ROR1: variants seen among roughly 807,000 people sequenced by gnomAD.
The protein encoded by ROR1 is inactive tyrosine-protein kinase transmembrane receptor ROR1.
ROR1 carries 19 observed loss-of-function variants against 78.8 expected under a neutral mutation model. That is an observed-to-expected ratio of 0.24 (90% confidence interval 0.17 to 0.35). ROR1 has a LOEUF of 0.35. Among genes scored for constraint, ROR1 ranks in the 10% least tolerant of loss-of-function variants. The pLI, the probability that ROR1 is intolerant of heterozygous loss-of-function variation, is 1.00. For synonymous variants in ROR1, 386 were observed against 433.6 expected (o/e 0.89, Z 1.36); for missense variants, 917 against 1,177.8 (o/e 0.78, Z 3.24).
intron 8 of ROR1, among the ~76,000 whole-genome samples, chr1:64,169,649 A>G (rs943629852): frequency 1.3e-5 from 2 of 152,136 alleles, no homozygotes; most frequent in African/African-American, 4.8e-5. Flanking sequence ...AAGTCCCCCA[A>G]AGTCTCAACT....
At chr1:63,809,540 A>G (rs1373619680) in intron 1 of ROR1, among the ~76,000 whole-genome samples, 1 of 152,194 alleles carries the variant, frequency 6.6e-6, no homozygotes, top group East Asian at 1.9e-4. Flanking sequence ...GGAGAGTTTC[A>G]AAGAAGTCTA....
At chr1:64,077,750 T>A (rs1260764) in intron 4 of ROR1, among the ~76,000 whole-genome samples, 2 of 152,132 alleles carry the variant, frequency 1.3e-5, no homozygotes, top group African/African-American at 4.8e-5. Flanking sequence ...AAACCATTTC[T>A]AATTTCATGA....
At chr1:63,902,983 ATC>A (rs2100405594) in intron 1 of ROR1, among the ~76,000 whole-genome samples, 1 of 152,284 alleles carries the variant, frequency 6.6e-6, no homozygotes, top group East Asian at 1.9e-4. Flanking sequence ...CACAAGCTGA[ATC>A]AGCCCTCTTT....
chr1:64,067,482 T>C (rs1372349121), intron 4 of ROR1, among the ~76,000 whole-genome samples: 3 of 146,376 alleles, frequency 2.0e-5, no homozygotes, highest in South Asian at 2.2e-4. Context: ...ATACTTGATC[T>C]GTACTTATAT....
intron 1 of ROR1, among the ~76,000 whole-genome samples, chr1:63,987,756 A>C (rs1045191364): frequency 6.6e-5 from 10 of 152,118 alleles, no homozygotes; most frequent in Admixed American, 3.9e-4. Flanking sequence ...ACATTCCTCT[A>C]TTTTTATATA....
At chr1:63,863,758 ATTGT>A (rs1645197098) in intron 1 of ROR1, among the ~76,000 whole-genome samples, 3 of 148,820 alleles carry the variant, frequency 2.0e-5, no homozygotes, top group African/African-American at 7.6e-5. Context: ...ATTGTATTGT[ATTGT>A]ATTGTATTGT....
At chr1:63,915,668 A>T (rs1557559294) in intron 1 of ROR1, among the ~76,000 whole-genome samples, 1 of 152,198 alleles carries the variant, frequency 6.6e-6, no homozygotes, top group East Asian at 1.9e-4. Flanking sequence ...GCATTTAGGG[A>T]TAGCTATGCT....
chr1:63,798,808 G>A (rs1644778183), intron 1 of ROR1, among the ~76,000 whole-genome samples: 1 of 151,800 alleles, frequency 6.6e-6, no homozygotes, highest in Non-Finnish European at 1.5e-5. Context: ...CTTTACAGAT[G>A]AGGCAACTGA....
chr1:64,130,254 G>A (rs1648865973), intron 4 of ROR1, among the ~76,000 whole-genome samples: 2 of 152,176 alleles, frequency 1.3e-5, no homozygotes, highest in South Asian at 2.1e-4. Context: ...TCTGTGAGTC[G>A]TTGGCCCTCT....
chr1:63,876,665 TGTGTGTGTGTGTGTGTGC>T lies in ROR1; in HGVS notation c.91+102159_91+102176del, dbSNP rs1378991695. 2.0e-3 allele frequency among the ~76,000 whole-genome samples: 262 copies of T among 128,748 alleles called. 2 individuals carry two copies. In the Middle Eastern group the frequency reaches 0.023, roughly 11 times the overall value. The allele number at this position is 128,748 out of a possible 152,430, so 84.5% of individuals were successfully genotyped here. ...AAAGGGGTGTGTGTGTGTGTGTGTG[TGTGTGTGTGTGTGTGTGC>T]GCGTGTGTGTGTGAGAACATGTGTT... On this transcript the variant is annotated intron_variant, in intron 1 of 8. Coordinates refer to ENST00000371079, the MANE Select transcript of ROR1 (RefSeq NM_005012.4).
chr1:64,000,540 C>T (rs186780179), intron 1 of ROR1, among the ~76,000 whole-genome samples: 47 of 152,326 alleles, frequency 3.1e-4, no homozygotes, highest in African/African-American at 1.1e-3. Flanking sequence ...GGACTTTCCA[C>T]TGTCCCTAAG....
intron 1 of ROR1, among the ~76,000 whole-genome samples, chr1:63,919,874 A>G (rs1347848847): frequency 6.6e-6 from 1 of 152,232 alleles, no homozygotes; most frequent in Non-Finnish European, 1.5e-5. Context: ...ATGATCTGAT[A>G]GTAATAGGAA....
At chr1:63,919,488 C>CTTTTTTTTTT (rs10644304) in intron 1 of ROR1, among the ~76,000 whole-genome samples, 2 of 122,192 alleles carry the variant, frequency 1.6e-5, no homozygotes, top group Non-Finnish European at 3.5e-5. Flanking sequence ...ATTGAATTGG[C>CTTTTTTTTTT]TTTTTTTTTT....
At chr1:63,963,887 A>C (rs1434886707) in intron 1 of ROR1, among the ~76,000 whole-genome samples, 1 of 152,182 alleles carries the variant, frequency 6.6e-6, no homozygotes, top group African/African-American at 2.4e-5. Flanking sequence ...CGTCTTTCTA[A>C]GGATGGCAGA....
At chr1:64,158,656 G>T (rs1649844506) in intron 7 of ROR1, among the ~76,000 whole-genome samples, 1 of 152,184 alleles carries the variant, frequency 6.6e-6, no homozygotes, top group African/African-American at 2.4e-5. Flanking sequence ...CATTCACGTG[G>T]CGTTTAACTT....
At chr1:63,986,912 G>T (rs1478765833) in intron 1 of ROR1, among the ~76,000 whole-genome samples, 1 of 151,844 alleles carries the variant, frequency 6.6e-6, no homozygotes, top group Non-Finnish European at 1.5e-5. Flanking sequence ...AAGAAAAAAG[G>T]AAAGAAAAGA....
chr1:64,068,027 G>A (rs1166491116), intron 4 of ROR1, among the ~76,000 whole-genome samples: 3 of 151,928 alleles, frequency 2.0e-5, no homozygotes. Flanking sequence ...AAATTCAAAG[G>A]GATATTGCAT....
rs58622476 is a variant in ROR1 at position 64,016,733 on chromosome 1, T to TTATA, written c.163+7370_163+7373dup. On this transcript the variant is annotated intron_variant, in intron 2 of 8. Coordinates refer to ENST00000371079, the MANE Select transcript of ROR1 (RefSeq NM_005012.4). ...ATGTACCCTAGAACTTAAAATATAA[T>TTATA]TATATATATATATATAAAGATTTTA... Among the ~76,000 whole-genome samples, 6 of 140,582 alleles carry TTATA rather than the reference T, an allele frequency of 4.3e-5. 1 individual carries two copies. The highest frequency in any genetic ancestry group is 1.0e-4 in the African/African-American group (4 of 38,614). 92.2% of individuals were successfully genotyped at this position (140,582 alleles called of 152,430 possible).
intron 1 of ROR1, among the ~76,000 whole-genome samples, chr1:63,907,693 CA>C (rs890326714): frequency 2.6e-5 from 4 of 152,124 alleles, no homozygotes; most frequent in African/African-American, 9.7e-5. Flanking sequence ...GCAAGGTTGC[CA>C]AAGTTCAGAT....
Sources: gnomAD v4.1 joint callset for allele counts (sites outside exome capture counted in the v4.1 genomes callset) on GRCh38, gnomAD v4.1.1 for gene constraint, MANE v1.5 for transcripts, NCBI Gene and HGNC (gene_info 2026-07-23, HGNC 2026-07-21) for gene names.